Variants in STXBP4 observed in about 807,000 individuals in gnomAD.
STXBP4 encodes the protein syntaxin binding protein 4, also known as syntaxin-binding protein 4.
In STXBP4, 55 loss-of-function variants were observed where a neutral mutation model predicts 76.1. The observed-to-expected ratio is 0.72, with a 90% CI of 0.58 to 0.91. The LOEUF (loss-of-function observed/expected upper bound fraction) is 0.91. STXBP4 is among the 40% of genes least tolerant of loss of function. STXBP4 has a pLI of 0.00. For synonymous variants in STXBP4, 201 were observed against 220.2 expected (o/e 0.91, Z 0.77); for missense variants, 618 against 636.9 (o/e 0.97, Z 0.32).
At chr17:55,091,596 TAACAAAACAA>T (rs958236426) in intron 16 of STXBP4, among the ~76,000 whole-genome samples, 13 of 152,072 alleles carry the variant, frequency 8.5e-5, no homozygotes, top group African/African-American at 2.9e-4. Flanking sequence ...GAAAAAAAAC[TAACAAAACAA>T]AACAAAACAC....
intron 17 of STXBP4, among the ~76,000 whole-genome samples, chr17:55,150,074 GA>G (rs1291331352): frequency 1.3e-5 from 2 of 152,160 alleles, no homozygotes; most frequent in Non-Finnish European, 2.9e-5. Context: ...ACTTCTATTT[GA>G]AAGGTGTATA....
chr17:55,031,069 T>C, intron 8 of STXBP4, 99 bp from the exon 9 acceptor site: 1 of 842,706 alleles, frequency 1.2e-6, no homozygotes, highest in Non-Finnish European at 1.9e-6. Context: ...CGACTGTTTC[T>C]GGTATTGATT....
chr17:55,021,960 G>T (rs2078320789), intron 8 of STXBP4, among the ~76,000 whole-genome samples: 1 of 152,146 alleles, frequency 6.6e-6, no homozygotes, highest in Admixed American at 6.5e-5. Flanking sequence ...GCACAAAGAT[G>T]TATGTGGAAG....
chr17:55,183,505 A>C, the STXBP4 span, among the ~76,000 whole-genome samples: 63 of 152,336 alleles, frequency 4.1e-4, no homozygotes, highest in African/African-American at 1.4e-3. Flanking sequence ...CTCATGTTAA[A>C]ATGACAGATT....
At chr17:55,154,027 A>G (rs1418868497) in intron 17 of STXBP4, among the ~76,000 whole-genome samples, 1 of 152,166 alleles carries the variant, frequency 6.6e-6, no homozygotes, top group Non-Finnish European at 1.5e-5. Flanking sequence ...GCTATCTGAA[A>G]TAACAAATCA....
intron 8 of STXBP4, among the ~76,000 whole-genome samples, chr17:55,016,555 G>A (rs947790401): frequency 2.0e-5 from 3 of 152,170 alleles, no homozygotes; most frequent in African/African-American, 7.2e-5. Context: ...CACGTTTGAG[G>A]AGACCAATTA....
At chr17:55,057,685 C>T (rs2078945762) in intron 12 of STXBP4, among the ~76,000 whole-genome samples, 1 of 152,142 alleles carries the variant, frequency 6.6e-6, no homozygotes, top group African/African-American at 2.4e-5. Context: ...TAGGTATTAT[C>T]TTTATGCTCT....
downstream of STXBP4, among the ~76,000 whole-genome samples, chr17:55,175,626 G>A (rs912285955): frequency 6.6e-6 from 1 of 152,226 alleles, no homozygotes; most frequent in Non-Finnish European, 1.5e-5. Flanking sequence ...AAACTAGCAG[G>A]AGGCTGGAAG....
At chr17:55,112,161 C>A (rs984777391) in intron 16 of STXBP4, among the ~76,000 whole-genome samples, 1 of 151,998 alleles carries the variant, frequency 6.6e-6, no homozygotes, top group Non-Finnish European at 1.5e-5. Context: ...CTTAAGTGAT[C>A]CTCCCACCTC....
chr17:55,113,819 G>T (rs1438413046), intron 16 of STXBP4, among the ~76,000 whole-genome samples: 5 of 151,920 alleles, frequency 3.3e-5, no homozygotes, highest in South Asian at 2.1e-4. Flanking sequence ...TTGGGTTTGG[G>T]TTTTTTTGGT....
intron 16 of STXBP4, among the ~76,000 whole-genome samples, chr17:55,116,048 G>T (rs2079776780): frequency 6.6e-6 from 1 of 151,768 alleles, no homozygotes; most frequent in Admixed American, 6.6e-5. Flanking sequence ...CTAGGGAGCG[G>T]TGCCTTATTT....
At chr17:55,091,274 A>G (rs1320585527) in intron 16 of STXBP4, among the ~76,000 whole-genome samples, 1 of 152,178 alleles carries the variant, frequency 6.6e-6, no homozygotes, top group Non-Finnish European at 1.5e-5. Flanking sequence ...AGCTTTTTAA[A>G]TATCCATTTG....
chr17:55,109,143 A>T (rs994244759), intron 16 of STXBP4, among the ~76,000 whole-genome samples: 6 of 152,194 alleles, frequency 3.9e-5, no homozygotes, highest in African/African-American at 1.4e-4. Flanking sequence ...TTCATTTTTT[A>T]AAAGTGAATT....
At chr17:55,048,462 C>T (rs1008685532) in intron 12 of STXBP4, among the ~76,000 whole-genome samples, 2 of 151,820 alleles carry the variant, frequency 1.3e-5, no homozygotes, top group African/African-American at 2.4e-5. Flanking sequence ...AAGCTTTCCT[C>T]CTGATGAAAA....
chr17:55,050,373 C>CA (rs2078844639), intron 12 of STXBP4, among the ~76,000 whole-genome samples: 1 of 149,938 alleles, frequency 6.7e-6, no homozygotes, highest in Non-Finnish European at 1.5e-5. Context: ...AAAAGATACT[C>CA]AATCTCTTTC....
At chr17:55,094,411 A>C (rs2079457410) in intron 16 of STXBP4, among the ~76,000 whole-genome samples, 1 of 152,130 alleles carries the variant, frequency 6.6e-6, no homozygotes, top group Non-Finnish European at 1.5e-5. Context: ...AGAGTGAAGA[A>C]AGCAGGAAGA....
chr17:54,975,510 C>T lies in STXBP4; in HGVS notation c.-157+6695C>T, dbSNP rs534231093. Among the ~76,000 whole-genome samples, 5 of 152,102 alleles carry T rather than the reference C, an allele frequency of 3.3e-5. No individual in the cohort carries two copies. In the South Asian group the frequency reaches 6.2e-4, roughly 19 times the overall value. On this transcript the variant is annotated intron_variant, in intron 1 of 17. Transcript: ENST00000376352. ...TTCAGGCCAAAGCACAGTCTAATTA[C>T]GTGATTTAATTATGTGATTAAAGGC...
chr17:55,019,174 ATCTTATT>A, intron 8 of STXBP4, among the ~76,000 whole-genome samples: 1 of 152,192 alleles, frequency 6.6e-6, no homozygotes, highest in Admixed American at 6.5e-5. Context: ...TATTTCTACC[ATCTTATT>A]TTTTATTTTT....
intron 16 of STXBP4, among the ~76,000 whole-genome samples, chr17:55,132,412 A>G (rs969823295): frequency 6.6e-6 from 1 of 151,988 alleles, no homozygotes; most frequent in Non-Finnish European, 1.5e-5. Context: ...GCTGGTCTCA[A>G]ACTCCTGACC....
Sources: allele counts gnomAD v4.1 joint callset (sites outside exome capture counted in the v4.1 genomes callset), GRCh38; gene constraint gnomAD v4.1.1; transcripts MANE v1.5; gene names NCBI Gene and HGNC (gene_info 2026-07-23, HGNC 2026-07-21).